DHRS3: variants seen among roughly 807,000 people sequenced by gnomAD.
The protein encoded by DHRS3 is dehydrogenase/reductase 3.
A neutral mutation model predicts 27.2 loss-of-function variants in DHRS3; 14 were observed. The ratio of observed to expected loss-of-function variants is 0.52; its 90% CI spans 0.34 to 0.81. The LOEUF (loss-of-function observed/expected upper bound fraction) is 0.81, where lower values mean the gene tolerates loss of function less well. Ranked by LOEUF, DHRS3 falls within the 30% of genes least tolerant of loss-of-function variation. The probability of loss-of-function intolerance (pLI) is 0.01; values close to 1 mark genes in which losing one functional copy is unlikely to be tolerated. For missense variants in DHRS3, 322 were observed against 406.2 expected, an observed-to-expected ratio of 0.79 and a Z score of 1.78; for synonymous variants, 165 against 175.9, an observed-to-expected ratio of 0.94 and a Z score of 0.49.
At chr1:12,607,847 A>ATGTGTG (rs753847593) in intron 1 of DHRS3, among the ~76,000 whole-genome samples, 1 of 151,398 alleles carries the variant, frequency 6.6e-6, no homozygotes, top group African/African-American at 2.4e-5. Context: ...ATTTGTGTAT[A>ATGTGTG]TGTGTGTGTG....
At chr1:12,581,971 G>A (rs1465770492) in intron 1 of DHRS3, among the ~76,000 whole-genome samples, 3 of 152,178 alleles carry the variant, frequency 2.0e-5, no homozygotes, top group Admixed American at 6.5e-5. Flanking sequence ...ACCCCAACGC[G>A]TGAAACCTAG....
At chr1:12,602,612 C>G (rs1570395004) in intron 1 of DHRS3, among the ~76,000 whole-genome samples, 1 of 152,236 alleles carries the variant, frequency 6.6e-6, no homozygotes, top group East Asian at 1.9e-4. Flanking sequence ...CGCCCCCCAC[C>G]CCCAGGGCCA....
chr1:12,607,418 T>G (rs1646878910), intron 1 of DHRS3, among the ~76,000 whole-genome samples: 1 of 152,224 alleles, frequency 6.6e-6, no homozygotes, highest in South Asian at 2.1e-4. Flanking sequence ...TATGCTGTTC[T>G]CATGATAGTG....
chr1:12,588,484 A>C (rs1048979171), intron 1 of DHRS3, among the ~76,000 whole-genome samples: 3 of 152,038 alleles, frequency 2.0e-5, no homozygotes, highest in African/African-American at 7.3e-5. Flanking sequence ...CACTGCTAAC[A>C]CTAGTCTTTT....
At chr1:12,617,014 G>C (rs1646948932) in intron 1 of DHRS3, 140 bp downstream of exon 1, 4 of 1,086,764 alleles carry the variant, frequency 3.7e-6, no homozygotes, top group Non-Finnish European at 5.1e-6. Context: ...AAACCGACTA[G>C]CTCAGCACTC....
chr1:12,585,148 AGTGTGTCTCT>A (rs755692058), intron 1 of DHRS3, among the ~76,000 whole-genome samples: 4 of 85,100 alleles, frequency 4.7e-5, no homozygotes, highest in Non-Finnish European at 9.9e-5. Context: ...TGTGTGTCTC[AGTGTGTCTCT>A]GTGTGTCTGT....
Position 12,596,957 on chromosome 1 carries a change from A to T in DHRS3, c.196-16291T>A, listed in dbSNP as rs559139428. 7.4e-4 allele frequency among the ~76,000 whole-genome samples: 112 copies of T among 152,062 alleles called. 1 individual carries two copies. Among genetic ancestry groups the T allele is most frequent in the African/African-American group, 2.3e-3 (97 of 41,462 alleles). On this transcript the variant is annotated intron_variant, in intron 1 of 5. Coordinates refer to ENST00000616661, the MANE Select transcript of DHRS3 (RefSeq NM_004753.7). ...TTTATTGTGAGAAGCCGGGGTGACG[A>T]GGTCTTTGGGGATGAATAGTCCCCC...
Position 12,574,032 on chromosome 1 carries a change from G to A in DHRS3, c.699-1179C>T, listed in dbSNP as rs1416549921. Among the ~76,000 whole-genome samples, 2 of 152,156 alleles carry A rather than the reference G, an allele frequency of 1.3e-5. No homozygotes were observed. Among genetic ancestry groups the A allele is most frequent in the Non-Finnish European group, 2.9e-5 (2 of 68,024 alleles). Reference sequence around the variant, plus strand: ...CCGCTCTGGCACCAGGAAGATTAAGGGTGATGAATCACCCAGGTTTGATGT... The same window carrying A: ...CCGCTCTGGCACCAGGAAGATTAAGAGTGATGAATCACCCAGGTTTGATGT... On this transcript the variant is annotated intron_variant, in intron 4 of 5. Transcript: ENST00000616661. This position sits in a 1 kb window ranked among gnomAD's most constrained non-coding sequence, Gnocchi z 4.6.
At chr1:12,613,437 C>T (rs1326286753) in intron 1 of DHRS3, among the ~76,000 whole-genome samples, 1 of 152,204 alleles carries the variant, frequency 6.6e-6, no homozygotes, top group Non-Finnish European at 1.5e-5. Flanking sequence ...TTCTTACAGG[C>T]CCAGAGCTGT....
chr1:12,609,644 C>T lies in DHRS3; in HGVS notation c.195+7510G>A, dbSNP rs570211538. 5.3e-5 allele frequency among the ~76,000 whole-genome samples: 8 copies of T among 152,278 alleles called. No homozygotes were observed. The South Asian group carries it at 1.7e-3, about 32-fold the overall frequency. Reference sequence around the variant, plus strand: ...TGGAGGAGGCATGGAAACCTGGCGGCCTCCTAGCAGGTCCCCCACCCCTGG... The same window carrying T: ...TGGAGGAGGCATGGAAACCTGGCGGTCTCCTAGCAGGTCCCCCACCCCTGG... On this transcript the variant is annotated intron_variant, in intron 1 of 5. Transcript: ENST00000616661.
At chr1:12,616,819 G>C (rs1198537659) in intron 1 of DHRS3, 2 of 1,126,704 alleles carry the variant, frequency 1.8e-6, no homozygotes, top group Admixed American at 4.3e-5. Context: ...CAAGAAAAAG[G>C]GGGGAAGGCG....
chr1:12,616,098 C>T (rs1009129066), intron 1 of DHRS3, among the ~76,000 whole-genome samples: 19 of 152,252 alleles, frequency 1.2e-4, no homozygotes, highest in African/African-American at 3.9e-4. Flanking sequence ...CCTGGAATTA[C>T]ATGCAGGTTT....
chr1:12,580,485 T>C, intron 2 of DHRS3, 38 bp downstream of exon 2: 1 of 1,613,992 alleles, frequency 6.2e-7, no homozygotes. Flanking sequence ...TAGCCTGTGG[T>C]CAGCTGTGCT....
chr1:12,616,623 C>A, intron 1 of DHRS3: 1 of 989,210 alleles, frequency 1.0e-6, no homozygotes, highest in Non-Finnish European at 1.2e-6. Context: ...GGCCAGACTA[C>A]TGCATACAAG....
Position 12,617,334 on chromosome 1 carries a change from C to T in DHRS3, c.15G>A (p.Arg5=), listed in dbSNP as rs1274841171. MVWK[R]LGALVMFPLQ... is the part of the protein sequence containing the mutation. ...GAGGGAACATCACCAGCGCGCCCAG[C>T]CGTTTCCACACCATCCTCCGCGCCG... The change falls in exon 1 of 6, where the codon CGG becomes CGA. Residue 5 remains arginine (R), a synonymous_variant. Transcript: ENST00000616661. 1 of 1,602,606 alleles carries T rather than the reference C, an allele frequency of 6.2e-7. No individual in the cohort carries two copies. Among genetic ancestry groups the T allele is most frequent in the African/African-American group, 1.3e-5 (1 of 74,602 alleles).
At chr1:12,577,542 C>T (rs376145691) in intron 4 of DHRS3, among the ~76,000 whole-genome samples, 5 of 152,068 alleles carry the variant, frequency 3.3e-5, no homozygotes, top group African/African-American at 1.2e-4. Context: ...AATTGAGCTA[C>T]GGCCAGGCGT....
At position 12,593,786 on chromosome 1, in the gene DHRS3, G is replaced by A. The variant is rs1254615479; in HGVS notation, c.196-13120C>T. 6.6e-6 allele frequency among the ~76,000 whole-genome samples: 1 copy of A among 152,062 alleles called. No homozygotes were observed. The highest frequency in any genetic ancestry group is 1.9e-4 in the East Asian group (1 of 5,188). On this transcript the variant is annotated intron_variant, in intron 1 of 5. Coordinates refer to ENST00000616661, the MANE Select transcript of DHRS3 (RefSeq NM_004753.7). This position sits in a 1 kb window ranked among gnomAD's most constrained non-coding sequence, Gnocchi z 4.6. ...GGTGTGATTCTTGCGAAACTTTTTG[G>A]TTCTGGGACCACTCAGAAAACTCTC...
At chr1:12,600,411 T>C (rs1445112607) in intron 1 of DHRS3, 16 of 985,178 alleles carry the variant, frequency 1.6e-5, no homozygotes, top group Middle Eastern at 5.2e-4. Flanking sequence ...TGTGTGCTCA[T>C]AGGGAAGTGG....
In DHRS3 at chr1:12,594,197, C is replaced by T. The variant is rs1646769904; in HGVS notation, c.196-13531G>A. ...ATTCAAATTTGGACAGTCTAAGTAA[C>T]TCATGCAGGCTGCACTACTAGAAGT... On this transcript the variant is annotated intron_variant, in intron 1 of 5. Transcript: ENST00000616661. This position sits in a 1 kb window ranked among gnomAD's most constrained non-coding sequence, Gnocchi z 4.1. Among the ~76,000 whole-genome samples the T allele has an allele frequency of 6.6e-6, 1 of 152,182 alleles. No individual in the cohort carries two copies.
Sources: gnomAD v4.1 joint callset for allele counts (sites outside exome capture counted in the v4.1 genomes callset) on GRCh38, gnomAD v4.1.1 for gene constraint, Gnocchi (gnomAD v3.1) non-coding constraint, MANE v1.5 for transcripts, NCBI Gene and HGNC (gene_info 2026-07-23, HGNC 2026-07-21) for gene names.